ZMYM3: variants seen among roughly 807,000 people sequenced by gnomAD.
ZMYM3 encodes the protein zinc finger MYM-type containing 3.
ZMYM3 carries 6 observed loss-of-function variants against 94.2 expected under a neutral mutation model. The ratio of observed to expected loss-of-function variants is 0.06; its 90% CI spans 0.03 to 0.13. ZMYM3 has a LOEUF of 0.13. Among genes scored for constraint, ZMYM3 ranks in the 10% least tolerant of loss-of-function variants. ZMYM3 has a pLI of 1.00. For missense variants in ZMYM3, 664 were observed against 1,132.6 expected, an observed-to-expected ratio of 0.59 and a Z score of 5.94; for synonymous variants, 420 against 426.5, an observed-to-expected ratio of 0.98 and a Z score of 0.19.
intron 5 of ZMYM3, 113 bp from the exon 6 acceptor site, chrX:71,250,316 C>A (rs910909293): frequency 4.6e-6 from 5 of 1,088,681 alleles, no homozygotes; most frequent in Non-Finnish European, 6.1e-6. Context: ...GACTCTCTCC[C>A]TACATCACTC....
intron 21 of ZMYM3, 93 bp downstream of exon 21, chrX:71,243,736 G>T: frequency 9.1e-7 from 1 of 1,100,420 alleles, no homozygotes; most frequent in Non-Finnish European, 1.2e-6. Flanking sequence ...GATTACAGGC[G>T]TGAGCCACCG....
intron 15 of ZMYM3, 46 bp from the exon 16 acceptor site, chrX:71,246,144 C>A: frequency 8.7e-7 from 1 of 1,145,186 alleles, no homozygotes; most frequent in Non-Finnish European, 1.2e-6. Flanking sequence ...CTGGACTGGT[C>A]ACATCTGACC....
intron 20 of ZMYM3, 151 bp from the exon 21 acceptor site, chrX:71,244,131 C>A (rs1239104291): frequency 2.1e-6 from 2 of 973,976 alleles, no homozygotes; most frequent in Non-Finnish European, 2.8e-6. Flanking sequence ...ACCTAGACAG[C>A]ATTTCCCTTT....
At position 71,245,796 on chromosome X, in the gene ZMYM3, T is replaced by C. The variant is rs373239863; in HGVS notation, c.2732A>G (p.Lys911Arg). Residue 911 changes from lysine (K) to arginine (R), a missense_variant, in exon 17 of 25, where the codon AAG becomes AGG. This residue lies in a region of ZMYM3 where 75 missense variants were observed against 152.5 expected (regional missense o/e 0.49). Coordinates refer to ENST00000314425, the MANE Select transcript of ZMYM3 (RefSeq NM_201599.3). ...FLPTTLESTD[K>R]IVETIEELKV... is the part of the protein sequence containing the mutation. ...CAGCTCCTCAATGGTCTCTACAATC[T>C]TGTCTGTGCTCTCCAAGGTAGTGGG... 1 of 1,211,244 alleles carries C rather than the reference T, an allele frequency of 8.3e-7. No individual in the cohort carries two copies. The highest frequency in any genetic ancestry group is 1.1e-6 in the Non-Finnish European group (1 of 895,447).
intron 15 of ZMYM3, 73 bp from the exon 16 acceptor site, chrX:71,246,171 A>G: frequency 9.1e-7 from 1 of 1,101,999 alleles, no homozygotes; most frequent in Middle Eastern, 2.5e-4. Flanking sequence ...AAGCTCTAAC[A>G]TGCTCAGTGT....
Position 71,249,544 on chromosome X carries a change from C to T in ZMYM3, c.1387G>A (p.Gly463Arg), listed in dbSNP as rs768532944. Reference sequence around the variant, plus strand: ...AAGAGGAGCTCAGGGCCAGGACTCCCGGTCTTGGTGTAGATGTAAGCCCCA... The same window carrying T: ...AAGAGGAGCTCAGGGCCAGGACTCCTGGTCTTGGTGTAGATGTAAGCCCCA... ...QCGAYIYTKT[G>R]SPGPELLFHE... The change falls in exon 7 of 25, where the codon GGG becomes AGG. Residue 463 changes from glycine to arginine, a missense_variant. Coordinates refer to ENST00000314425, the MANE Select transcript of ZMYM3 (RefSeq NM_201599.3). 1.7e-6 allele frequency: 2 copies of T among 1,206,238 alleles called. No homozygotes were observed. Among genetic ancestry groups the T allele is most frequent in the South Asian group, 1.8e-5 (1 of 55,951 alleles).
In ZMYM3 at chrX:71,246,663, G is replaced by T. The variant is rs1307255248; in HGVS notation, c.2344C>A (p.Pro782Thr). 1.7e-6 allele frequency: 2 copies of T among 1,211,478 alleles called. No individual in the cohort carries two copies. The highest frequency in any genetic ancestry group is 1.8e-5 in the South Asian group (1 of 56,908). ...CTGTTCTCCACTTTGGTTTGAGAGG[G>T]TGTCTGGGGTTTTGACTCAGGAGAC... ...SQSPESKPQT[P>T]SQTKVENSNT... The change falls in exon 14 of 25, where the codon CCC (proline) becomes ACC (threonine). Residue 782 changes from proline (P) to threonine (T), a missense_variant. Physicochemically the swap from Pro to Thr is conservative, Grantham distance 38 (BLOSUM62 -1). Transcript: ENST00000314425.
At position 71,252,839 on chromosome X, in the gene ZMYM3, C is replaced by T; in HGVS notation, c.417G>A (p.Gly139=). The change falls in exon 2 of 25, where the codon GGG becomes GGA. Residue 139 remains glycine, a synonymous_variant. Transcript: ENST00000314425. ...GAGANSCSPE[G]LLEPLAPDSP... ...AATCTGGAGCCAAAGGCTCTAGTAGCCCCTCAGGTGAACAGGAATTTGCCC... is the reference window on the plus strand; with the variant it reads ...AATCTGGAGCCAAAGGCTCTAGTAGTCCCTCAGGTGAACAGGAATTTGCCC... 1.7e-6 allele frequency: 2 copies of T among 1,210,926 alleles called. No individual in the cohort carries two copies. The highest frequency in any genetic ancestry group is 2.2e-6 in the Non-Finnish European group (2 of 894,997).
In ZMYM3 at chrX:71,247,487, C is replaced by T; in HGVS notation, c.2172G>A (p.Lys724=). The change falls in exon 13 of 25, where the codon AAG becomes AAA. Residue 724 remains lysine (K), a synonymous_variant. Transcript: ENST00000314425. ...TGGTCTCCAGCAGCTTCCCCTGGCG[C>T]TTACACGCATGGCACCGGGCAGCCT... ...YCKAARCHAC[K]RQGKLLETIH... is the part of the protein sequence containing the mutation. The T allele has an allele frequency of 1.7e-6, 2 of 1,211,482 alleles. No homozygotes were observed. The highest frequency in any genetic ancestry group is 2.2e-6 in the Non-Finnish European group (2 of 895,100).
intron 1 of ZMYM3, 115 bp from the exon 2 acceptor site, chrX:71,253,389 C>T: frequency 1.8e-6 from 1 of 563,474 alleles, no homozygotes; most frequent in African/African-American, 2.3e-5. Flanking sequence ...GAGCAGCCCC[C>T]ACCACCACAA....
chrX:71,250,830 G>T, intron 4 of ZMYM3, 104 bp from the exon 5 acceptor site: 1 of 828,907 alleles, frequency 1.2e-6, no homozygotes, highest in Non-Finnish European at 1.7e-6. Flanking sequence ...TGTTGTTCCG[G>T]CCTTTACACC....
Position 71,252,644 on chromosome X carries a change from G to A in ZMYM3, c.612C>T (p.Asn204=), listed in dbSNP as rs201222212. The change falls in exon 2 of 25, where the codon AAC becomes AAT. Residue 204 remains asparagine, a synonymous_variant. Coordinates refer to ENST00000314425, the MANE Select transcript of ZMYM3 (RefSeq NM_201599.3). ...SVGETLGDGI[N]SSQTKPGGSS... The stretch of plus-strand genomic sequence containing the variant: ...AGCCCCCAGGTTTGGTCTGAGAACT[G>A]TTGATTCCATCCCCCAGAGTCTCTC... 1.6e-5 allele frequency: 18 copies of A among 1,156,332 alleles called. No individual in the cohort carries two copies. The East Asian group carries it at 5.1e-4, about 33-fold the overall frequency.
At position 71,244,447 on chromosome X, in the gene ZMYM3, G is replaced by A. The variant is rs761169958; in HGVS notation, c.3135C>T (p.Ser1045=). ...MRKGQKRLVL[S]ESCSRDSMSS... is the part of the protein sequence containing the mutation. ...TCATGGAGTCCCGGGAGCAGCTTTCGGAAAGCACCAGCCGCTTTTGACCCT... is the reference window on the plus strand; with the variant it reads ...TCATGGAGTCCCGGGAGCAGCTTTCAGAAAGCACCAGCCGCTTTTGACCCT... Residue 1045 remains serine (S), a synonymous_variant, in exon 20 of 25, where the codon TCC becomes TCT. Coordinates refer to ENST00000314425, the MANE Select transcript of ZMYM3 (RefSeq NM_201599.3). 54 of 1,209,382 alleles carry A rather than the reference G, an allele frequency of 4.5e-5. No individual in the cohort carries two copies. The highest frequency in any genetic ancestry group is 5.9e-5 in the East Asian group (2 of 33,761).
chrX:71,247,005 C>A (rs760908848), intron 13 of ZMYM3, among the ~76,000 whole-genome samples: 8 of 111,234 alleles, frequency 7.2e-5, no homozygotes, highest in African/African-American at 9.8e-5. Context: ...CTAGAAATAG[C>A]AGTCTTCAGT....
chrX:71,251,453 C>G, intron 3 of ZMYM3, 105 bp downstream of exon 3: 1 of 1,059,339 alleles, frequency 9.4e-7, no homozygotes, highest in East Asian at 3.3e-5. Flanking sequence ...CCTAACTCTC[C>G]TTACACACAC....
In ZMYM3 at chrX:71,247,637, C is replaced by T. The variant is rs2030241636; in HGVS notation, c.2148+97G>A. 1.5e-5 allele frequency: 17 copies of T among 1,141,577 alleles called. No individual in the cohort carries two copies. In the South Asian group the frequency reaches 2.7e-4, roughly 18 times the overall value. The allele number at this position is 1,141,577 out of a possible 1,213,427, so 94.1% of individuals were successfully genotyped here. ...AGCTTAGAGATGGAAGGCTGGCTGC[C>T]CTCCCTGGAGATCTGTCCACACCCC... On this transcript the variant is annotated intron_variant, in intron 12 of 24. Transcript: ENST00000314425.
intron 19 of ZMYM3, 118 bp from the exon 20 acceptor site, chrX:71,244,588 C>A: frequency 1.1e-6 from 1 of 933,365 alleles, no homozygotes; most frequent in Non-Finnish European, 1.5e-6. Context: ...ACACAGCAAG[C>A]TTCCATAGCA....
chrX:71,251,493 A>G (rs1447084698), intron 3 of ZMYM3, 65 bp downstream of exon 3: 1 of 1,135,612 alleles, frequency 8.8e-7, no homozygotes, highest in Non-Finnish European at 1.2e-6. Flanking sequence ...GGGAGGGAAA[A>G]TGAAGGGTCT....
chrX:71,244,486 A>T lies in ZMYM3; in HGVS notation c.3112-16T>A. 3.3e-6 allele frequency: 4 copies of T among 1,207,903 alleles called. No homozygotes were observed. The highest frequency in any genetic ancestry group is 3.4e-6 in the Non-Finnish European group (3 of 893,381). On this transcript the variant is annotated splice_polypyrimidine_tract_variant and intron_variant, in intron 19 of 24. Coordinates refer to ENST00000314425, the MANE Select transcript of ZMYM3 (RefSeq NM_201599.3). The stretch of plus-strand genomic sequence containing the variant: ...GCTTTTGACCCTGGAGGGGAAGAGA[A>T]AGCAGGGGCATGGCAGAGGTAAGGC...
Sources: gnomAD v4.1 joint callset for allele counts (sites outside exome capture counted in the v4.1 genomes callset) on GRCh38, gnomAD v4.1.1 for gene constraint, gnomAD v4.1.1 regional missense constraint, MANE v1.5 for transcripts, NCBI Gene and HGNC (gene_info 2026-07-23, HGNC 2026-07-21) for gene names.